The following CEP170B variants were observed in gnomAD, a reference collection of about 807,000 sequenced individuals.
The protein encoded by CEP170B is centrosomal protein 170B.
CEP170B carries 55 observed loss-of-function variants against 120.6 expected under a neutral mutation model. That is an observed-to-expected ratio of 0.46 (90% CI 0.37 to 0.57). The LOEUF is 0.57. Among genes scored for constraint, CEP170B ranks in the 20% least tolerant of loss-of-function variants. The pLI, the probability that CEP170B is intolerant of heterozygous loss-of-function variation, is 0.00. For missense variants in CEP170B, 2,212 were observed against 2,253.3 expected (o/e 0.98, Z 0.37); for synonymous variants, 1,033 against 954.5 (o/e 1.08, Z -1.52).
At chr14:104,879,223 G>A (rs1174984633) in intron 5 of CEP170B, among the ~76,000 whole-genome samples, 1 of 152,178 alleles carries the variant, frequency 6.6e-6, no homozygotes, top group East Asian at 1.9e-4. Context: ...CTGTGAGTGA[G>A]ATATTTAGGG....
rs755486127 is a variant in CEP170B at position 104,877,860 on chromosome 14, C to G, written c.196-25C>G. The stretch of plus-strand genomic sequence containing the variant: ...CACCCACCCGCGCAGCTCCCCCCCC[C>G]CCCCCGCCACCTGTTTTCCTGCAGA... On this transcript the variant is annotated intron_variant, in intron 3 of 18. Transcript: ENST00000414716. The G allele has an allele frequency of 7.6e-5, 84 of 1,110,360 alleles. 1 individual carries two copies. Among genetic ancestry groups the G allele is most frequent in the South Asian group, 2.2e-4 (14 of 64,968 alleles). The allele number at this position is 1,110,360 out of a possible 1,614,324, so 68.8% of individuals were successfully genotyped here.
chr14:104,883,691 T>A (rs1053555946), intron 8 of CEP170B, 140 bp from the exon 9 acceptor site: 9 of 1,085,532 alleles, frequency 8.3e-6, no homozygotes, highest in Non-Finnish European at 1.2e-5. Flanking sequence ...CCGTTGCACT[T>A]CTTTGCCCTG....
intron 3 of CEP170B, 53 bp from the exon 4 acceptor site, chr14:104,877,832 A>ACCCCCCCC: frequency 3.3e-6 from 1 of 307,620 alleles, no homozygotes; most frequent in South Asian, 3.8e-5. Context: ...CCCTGCCCAC[A>ACCCCCCCC]GCCACCCACC....
intron 2 of CEP170B, among the ~76,000 whole-genome samples, chr14:104,869,264 C>T (rs926806322): frequency 2.6e-5 from 4 of 152,240 alleles, no homozygotes; most frequent in Non-Finnish European, 5.9e-5. Flanking sequence ...GTTGGGCTCC[C>T]TGTCCTGGCT....
chr14:104,894,084 G>C (rs909521421), intron 16 of CEP170B: 15 of 651,826 alleles, frequency 2.3e-5, no homozygotes, highest in Non-Finnish European at 4.0e-5. Context: ...CCCTCATCCC[G>C]GGCCCAGCCC....
rs1231087747 is a variant in CEP170B, at chr14:104,891,375, G to T, written c.3879-1601G>T. ...CCAGGGTGGATGGCAAGTGTTTGTT[G>T]TGGAGGATGCTGAGCTTGAAGCCCA... is the stretch of plus-strand genomic sequence containing the variant. On this transcript the variant is annotated intron_variant, in intron 13 of 18. Transcript: ENST00000414716. The surrounding 1 kb of genome is among the most constrained non-coding windows in gnomAD (Gnocchi z 4.3). 1.3e-5 allele frequency among the ~76,000 whole-genome samples: 2 copies of T among 152,118 alleles called. No individual in the cohort carries two copies. Among genetic ancestry groups the T allele is most frequent in the African/African-American group, 2.4e-5 (1 of 41,396 alleles).
Position 104,887,342 on chromosome 14 carries a change from C to T in CEP170B, c.3103C>T (p.His1035Tyr). ...PVRRSAIRRG[H>Y]RPRGSLDWPS... ...ACGGCGCTCAGCCATAAGGCGTGGC[C>T]ACAGGCCCCGAGGGTCCCTGGATTG... is the stretch of plus-strand genomic sequence containing the variant. The change falls in exon 12 of 19, where the codon CAC becomes TAC. Residue 1035 changes from histidine (H) to tyrosine (Y), a missense_variant. Coordinates refer to ENST00000414716, the MANE Select transcript of CEP170B (RefSeq NM_001112726.3). 2 of 1,611,482 alleles carry T rather than the reference C, an allele frequency of 1.2e-6. No individual in the cohort carries two copies. The highest frequency in any genetic ancestry group is 1.3e-5 in the African/African-American group (1 of 75,058).
rs1053638969 is a variant in CEP170B, at chr14:104,886,167, G to C, written c.2035+37G>C. The C allele has an allele frequency of 2.0e-6, 3 of 1,493,180 alleles. No homozygotes were observed. The Admixed American group carries it at 6.7e-5, about 33-fold the overall frequency. The allele number at this position is 1,493,180 out of a possible 1,614,324, so 92.5% of individuals were successfully genotyped here. A position where few individuals can be genotyped will look rare whatever the true frequency, so the allele number is the denominator to read the frequency against. On this transcript the variant is annotated intron_variant, in intron 11 of 18. Coordinates refer to ENST00000414716, the MANE Select transcript of CEP170B (RefSeq NM_001112726.3). ...CAGTGCTGCGGGGGAGTCGGGCCAG[G>C]CCGGGGCGGGCCTCAGGCCACTGAC...
At chr14:104,885,953 C>A in intron 10 of CEP170B, 87 bp from the exon 11 acceptor site, 1 of 1,226,054 alleles carries the variant, frequency 8.2e-7, no homozygotes, top group Non-Finnish European at 1.1e-6. Context: ...GTGTTGGCTG[C>A]TCTGGACGCC....
At position 104,887,168 on chromosome 14, in the gene CEP170B, C is replaced by G; in HGVS notation, c.2929C>G (p.Gln977Glu). The G allele has an allele frequency of 1.2e-6, 2 of 1,608,300 alleles. No homozygotes were observed. Among genetic ancestry groups the G allele is most frequent in the Middle Eastern group, 1.6e-4 (1 of 6,062 alleles). The change falls in exon 12 of 19, where the codon CAG (glutamine) becomes GAG (glutamate). Residue 977 changes from glutamine to glutamate, a missense_variant. Physicochemically the swap from Gln to Glu is conservative, Grantham distance 29. Transcript: ENST00000414716. ...GAGCGGGCCCAGCCCCACAACCCCC[C>G]AGCCTCTGCGGGCACAGAAGGAGAT... Reference protein sequence around the residue: ...GKSGPSPTTPQPLRAQKEMSP... With the variant: ...GKSGPSPTTPEPLRAQKEMSP...
At position 104,886,604 on chromosome 14, in the gene CEP170B, C is replaced by T. The variant is rs548899578; in HGVS notation, c.2365C>T (p.Pro789Ser). The change falls in exon 12 of 19, where the codon CCC (proline) becomes TCC (serine). Residue 789 changes from proline to serine, a missense_variant. By Grantham distance (74) the Pro-to-Ser change is moderately conservative. This residue lies in a region of CEP170B where 2,166 missense variants were observed against 2,166.7 expected (regional missense o/e 1.00). Coordinates refer to ENST00000414716, the MANE Select transcript of CEP170B (RefSeq NM_001112726.3). ...CAGGGGTCGGCGCTCACCAAGGGCC[C>T]CCGGGGAGCCAACTCCCGCCTCTTT... ...WSRGRRSPRA[P>S]GEPTPASFFI... The T allele has an allele frequency of 6.6e-7, 1 of 1,519,114 alleles. No individual in the cohort carries two copies. The highest frequency in any genetic ancestry group is 8.8e-7 in the Non-Finnish European group (1 of 1,136,348). The allele number at this position is 1,519,114 out of a possible 1,614,324, so 94.1% of individuals were successfully genotyped here. A position where few individuals can be genotyped will look rare whatever the true frequency, so the allele number is the denominator to read the frequency against.
rs1895269363 is a variant in CEP170B at position 104,867,720 on chromosome 14, C to T, written c.-27-704C>T. Among the ~76,000 whole-genome samples the T allele has an allele frequency of 6.6e-6, 1 of 152,178 alleles. No individual in the cohort carries two copies. Among genetic ancestry groups the T allele is most frequent in the Admixed American group, 6.5e-5 (1 of 15,276 alleles). ...TGTCTACACCAGCCCCTCAGACCAC[C>T]CCCTCTTTGTTGATGTCACTGGGAC... On this transcript the variant is annotated intron_variant, in intron 1 of 18. Transcript: ENST00000414716. The surrounding 1 kb of genome is among the most constrained non-coding windows in gnomAD (Gnocchi z 5.4).
rs1897055865 is a variant in CEP170B at position 104,895,884 on chromosome 14, GCCCT to G, written c.*930_*933del. ...GCTCGCAGCTTGGCCTGCACCACAC[GCCCT>G]CCCCTTTTGGCTTCACGCCATCAGG... On this transcript the variant is annotated 3_prime_UTR_variant, in exon 19 of 19. Transcript: ENST00000414716. The G allele has an allele frequency of 6.5e-6, 1 of 152,690 alleles. No individual in the cohort carries two copies. Among genetic ancestry groups the G allele is most frequent in the Non-Finnish European group, 1.5e-5 (1 of 68,250 alleles). 9.5% of individuals were successfully genotyped at this position (152,690 alleles called of 1,614,324 possible). A position where few individuals can be genotyped will look rare whatever the true frequency, so the allele number is the denominator to read the frequency against.
At chr14:104,872,385 TGTGTGCCGTGG>T (rs1895589123) in intron 2 of CEP170B, among the ~76,000 whole-genome samples, 2 of 114,906 alleles carry the variant, frequency 1.7e-5, no homozygotes, top group South Asian at 7.0e-4. Context: ...TGGGTGTGCA[TGTGTGCCGTGG>T]GTGTGCGTGG....
chr14:104,865,287 G>A lies in CEP170B; in HGVS notation c.-254G>A, dbSNP rs1313847786. 1 of 146,336 alleles carries A rather than the reference G, an allele frequency of 6.8e-6. No individual in the cohort carries two copies. Among genetic ancestry groups the A allele is most frequent in the Admixed American group, 6.8e-5 (1 of 14,736 alleles). The allele number at this position is 146,336 out of a possible 1,614,324, so 9.1% of individuals were successfully genotyped here. A position where few individuals can be genotyped will look rare whatever the true frequency, so the allele number is the denominator to read the frequency against. ...TCCCGCAGACGTCAGGGACCCGCGCGCGAGGCCGCCGGCGGCCGCTCTGCC... is the reference window on the plus strand; with the variant it reads ...TCCCGCAGACGTCAGGGACCCGCGCACGAGGCCGCCGGCGGCCGCTCTGCC... On this transcript the variant is annotated 5_prime_UTR_variant, in exon 1 of 19. Coordinates refer to ENST00000414716, the MANE Select transcript of CEP170B (RefSeq NM_001112726.3). This position sits in a 1 kb window ranked among gnomAD's most constrained non-coding sequence, Gnocchi z 6.7.
chr14:104,865,340 G>T lies in CEP170B; in HGVS notation c.-201G>T, dbSNP rs1033667791. ...GGGCTCGGCCCGGGCTGCCACGAGC[G>T]TGCGGGCCTCGCCGGGCATGTCCTA... On this transcript the variant is annotated 5_prime_UTR_variant, in exon 1 of 19. Transcript: ENST00000414716. This position sits in a 1 kb window ranked among gnomAD's most constrained non-coding sequence, Gnocchi z 6.7. The T allele has an allele frequency of 7.8e-4, 115 of 146,884 alleles. No individual in the cohort carries two copies. The highest frequency in any genetic ancestry group is 7.7e-3 in the Admixed American group (115 of 14,874). The allele number at this position is 146,884 out of a possible 1,614,324, so 9.1% of individuals were successfully genotyped here.
rs370255446 is a variant in CEP170B at position 104,883,256 on chromosome 14, G to T, written c.799G>T (p.Ala267Ser). ...AGCGGCCCCTGTGGTGCAGAGCCACGCCTCCTTCACCATCGAGTTTGATGA... is the reference window on the plus strand; with the variant it reads ...AGCGGCCCCTGTGGTGCAGAGCCACTCCTCCTTCACCATCGAGTTTGATGA... The part of the protein sequence containing the change: ...GGAAPVVQSH[A>S]SFTIEFDDCS... The change falls in exon 8 of 19, where the codon GCC (alanine) becomes TCC (serine). Residue 267 changes from alanine to serine, a missense_variant. This residue lies in a region of CEP170B where 2,166 missense variants were observed against 2,166.7 expected (regional missense o/e 1.00). Transcript: ENST00000414716. 16 of 1,611,220 alleles carry T rather than the reference G, an allele frequency of 9.9e-6. No individual in the cohort carries two copies. The highest frequency in any genetic ancestry group is 1.2e-5 in the Non-Finnish European group (14 of 1,179,578).
chr14:104,893,191 G>A (rs1222055874), intron 14 of CEP170B, 56 bp downstream of exon 14: 2 of 1,550,944 alleles, frequency 1.3e-6, no homozygotes, highest in South Asian at 1.2e-5. Flanking sequence ...AGGAGGGTCA[G>A]GCCAGGTCCC....
rs368263971 is a variant in CEP170B, at chr14:104,894,808, C to A, written c.4515C>A (p.Arg1505=). 5.0e-6 allele frequency: 8 copies of A among 1,608,294 alleles called. No individual in the cohort carries two copies. The highest frequency in any genetic ancestry group is 6.8e-6 in the Non-Finnish European group (8 of 1,179,168). The change falls in exon 19 of 19, where the codon CGC becomes CGA. Residue 1505 remains arginine, a synonymous_variant. Transcript: ENST00000414716. ...SSAQPGLGKG[R]VAAQSPPSPA... is the part of the protein sequence containing the mutation. ...CACAGCCGGGGCTGGGGAAGGGCCGCGTGGCTGCCCAGAGCCCACCCTCAC... is the reference window on the plus strand; with the variant it reads ...CACAGCCGGGGCTGGGGAAGGGCCGAGTGGCTGCCCAGAGCCCACCCTCAC...
Sources: allele counts gnomAD v4.1 joint callset (sites outside exome capture counted in the v4.1 genomes callset), GRCh38; gene constraint gnomAD v4.1.1; regional missense constraint gnomAD v4.1.1; non-coding constraint Gnocchi (gnomAD v3.1); transcripts MANE v1.5; gene names NCBI Gene and HGNC (gene_info 2026-07-23, HGNC 2026-07-21).